The following SYNPR variants were observed in gnomAD, a reference collection of about 807,000 sequenced individuals.
SYNPR encodes the protein synaptoporin.
SYNPR carries 23 observed loss-of-function variants against 32.9 expected under a neutral mutation model. The ratio of observed to expected loss-of-function variants is 0.70; its 90% confidence interval spans 0.50 to 0.99. The LOEUF is 0.99. Among genes scored for constraint, SYNPR ranks in the 50% least tolerant of loss-of-function variants. SYNPR has a pLI of 0.00. For synonymous variants in SYNPR, 146 were observed against 135.9 expected, an observed-to-expected ratio of 1.07 and a Z score of -0.52; for missense variants, 318 against 349.3, an observed-to-expected ratio of 0.91 and a Z score of 0.71.
At chr3:63,559,842 A>G (rs1443025726) in intron 4 of SYNPR, among the ~76,000 whole-genome samples, 1 of 152,218 alleles carries the variant, frequency 6.6e-6, no homozygotes, top group African/African-American at 2.4e-5. Flanking sequence ...TGCATATACC[A>G]TAAATCCAGC....
intron 3 of SYNPR, among the ~76,000 whole-genome samples, chr3:63,527,086 A>G (rs11928896): frequency 0.22 from 33,625 of 152,070 alleles, 3,752 homozygotes; most frequent in Admixed American, 0.31. Flanking sequence ...AAGAACAGGG[A>G]CAATTTGAAT....
At chr3:63,275,544 A>G (rs1313531171), upstream of SYNPR, among the ~76,000 whole-genome samples, 1 of 152,204 alleles carries the variant, frequency 6.6e-6, no homozygotes, top group African/African-American at 2.4e-5. Context: ...GCCCTGAGGG[A>G]ATAGGCTCAG....
chr3:63,226,805 A>G (rs2086131576), upstream of SYNPR, among the ~76,000 whole-genome samples: 1 of 152,178 alleles, frequency 6.6e-6, no homozygotes. Context: ...AGACAAGGGT[A>G]ACTATAGTTA....
intron 3 of SYNPR, among the ~76,000 whole-genome samples, chr3:63,543,824 G>T (rs1702350647): frequency 6.6e-6 from 1 of 152,056 alleles, no homozygotes; most frequent in Admixed American, 6.6e-5. Context: ...TTGACTAATT[G>T]CTTTTCACTC....
chr3:63,531,583 C>A (rs1702113058), intron 3 of SYNPR, among the ~76,000 whole-genome samples: 1 of 152,188 alleles, frequency 6.6e-6, no homozygotes, highest in African/African-American at 2.4e-5. Flanking sequence ...TATAAGGTCA[C>A]ATTCTTAAGT....
intron 4 of SYNPR, among the ~76,000 whole-genome samples, chr3:63,600,345 G>T (rs1160537545): frequency 6.6e-6 from 1 of 152,200 alleles, no homozygotes; most frequent in Non-Finnish European, 1.5e-5. Context: ...GGACAGGCAT[G>T]GGTCAAATCA....
At chr3:63,415,172 A>T (rs1454588357) in intron 2 of SYNPR, among the ~76,000 whole-genome samples, 1 of 152,224 alleles carries the variant, frequency 6.6e-6, no homozygotes. Flanking sequence ...CTTTATGCAT[A>T]TCGTATCTTT....
chr3:63,408,204 G>A (rs1560220893), intron 2 of SYNPR, among the ~76,000 whole-genome samples: 86 of 52,826 alleles, frequency 1.6e-3, no homozygotes, highest in Non-Finnish European at 2.4e-3. Context: ...GAGGAAGGAA[G>A]GAAGGAAGGA....
intron 2 of SYNPR, among the ~76,000 whole-genome samples, chr3:63,376,969 T>C (rs886151380): frequency 1.3e-5 from 2 of 152,128 alleles, no homozygotes; most frequent in Non-Finnish European, 2.9e-5. Context: ...GCCAACATTG[T>C]ATTTTTATTG....
At chr3:63,311,337 G>T (rs2106953286) in intron 2 of SYNPR, among the ~76,000 whole-genome samples, 1 of 152,088 alleles carries the variant, frequency 6.6e-6, no homozygotes, top group Admixed American at 6.6e-5. Flanking sequence ...TCTAGATGTG[G>T]AATTTAGATA....
At chr3:63,379,517 C>A (rs2087939216) in intron 2 of SYNPR, among the ~76,000 whole-genome samples, 2 of 152,044 alleles carry the variant, frequency 1.3e-5, no homozygotes, top group Admixed American at 1.3e-4. Flanking sequence ...TTGGTATGTA[C>A]ACATTTAGAA....
At chr3:63,562,835 GATTTTA>G (rs958065777) in intron 4 of SYNPR, among the ~76,000 whole-genome samples, 1 of 152,116 alleles carries the variant, frequency 6.6e-6, no homozygotes, top group Non-Finnish European at 1.5e-5. Flanking sequence ...TGGGGTGCTG[GATTTTA>G]ATCTTCTTGT....
intron 2 of SYNPR, among the ~76,000 whole-genome samples, chr3:63,319,099 G>A (rs2087079222): frequency 6.6e-6 from 1 of 151,986 alleles, no homozygotes. Flanking sequence ...ACAGATTCCT[G>A]TGATGTGAAC....
chr3:63,373,614 G>T (rs531819920), intron 2 of SYNPR, among the ~76,000 whole-genome samples: 1 of 152,268 alleles, frequency 6.6e-6, no homozygotes, highest in East Asian at 1.9e-4. Context: ...CATTGGTAAC[G>T]TTGAAAGTGA....
intron 2 of SYNPR, among the ~76,000 whole-genome samples, chr3:63,432,674 G>A (rs1203381874): frequency 2.0e-5 from 3 of 152,196 alleles, no homozygotes; most frequent in Non-Finnish European, 2.9e-5. Flanking sequence ...AGGTAGGAGA[G>A]GGAGAGATGG....
intron 4 of SYNPR, among the ~76,000 whole-genome samples, chr3:63,588,808 A>C (rs1230808702): frequency 6.6e-6 from 1 of 152,024 alleles, no homozygotes; most frequent in African/African-American, 2.4e-5. Context: ...ACTAACATTT[A>C]ATTGTGTGAA....
chr3:63,401,723 T>C (rs1361151833), intron 2 of SYNPR, among the ~76,000 whole-genome samples: 1 of 152,194 alleles, frequency 6.6e-6, no homozygotes, highest in Non-Finnish European at 1.5e-5. Flanking sequence ...CCTGGTACTG[T>C]GCCTGTATTC....
chr3:63,227,077 T>G (rs1289762679), upstream of SYNPR, among the ~76,000 whole-genome samples: 1 of 152,342 alleles, frequency 6.6e-6, no homozygotes, highest in South Asian at 2.1e-4. Flanking sequence ...AGTTGAACTA[T>G]AATACATCTC....
chr3:63,282,964 C>T lies in SYNPR; in HGVS notation c.84+4222C>T, dbSNP rs148075564. Among the ~76,000 whole-genome samples, 555 of 152,094 alleles carry T rather than the reference C, an allele frequency of 3.6e-3. 1 individual carries two copies. Among genetic ancestry groups the T allele is most frequent in the Admixed American group, 6.1e-3 (93 of 15,280 alleles). On this transcript the variant is annotated intron_variant, in intron 2 of 5. Coordinates refer to ENST00000478300, the MANE Select transcript of SYNPR (RefSeq NM_001130003.2). ...TGTGCGTGTGTGCAATTTGTATGAA[C>T]ACAGAGGGAAGTGTAGATATAAAGC...
Sources: allele counts gnomAD v4.1 joint callset (sites outside exome capture counted in the v4.1 genomes callset), GRCh38; gene constraint gnomAD v4.1.1; transcripts MANE v1.5; gene names NCBI Gene and HGNC (gene_info 2026-07-23, HGNC 2026-07-21).